A2ML1: variants seen among roughly 807,000 people sequenced by gnomAD.
The protein encoded by A2ML1 is alpha-2-macroglobulin like 1.
Under a neutral mutation model 181.9 loss-of-function variants are expected in A2ML1, and 161 were observed. That is an observed-to-expected ratio of 0.89 (90% CI 0.78 to 1.01). The LOEUF is 1.01. Among genes scored for constraint, A2ML1 ranks in the 50% least tolerant of loss-of-function variants. A2ML1 has a pLI of 0.00. For missense variants in A2ML1, 1,670 were observed against 1,768.1 expected, an observed-to-expected ratio of 0.94 and a Z score of 1.00; for synonymous variants, 663 against 666.8, an observed-to-expected ratio of 0.99 and a Z score of 0.09.
At chr12:8,822,903 A>G (rs549466216) in intron 1 of A2ML1, among the ~76,000 whole-genome samples, 190 bp downstream of exon 1, 52 of 152,172 alleles carry the variant, frequency 3.4e-4, no homozygotes, top group Non-Finnish European at 6.5e-4. Context: ...AAGCTTTAAA[A>G]AAGATAAATA....
intron 35 of A2ML1, among the ~76,000 whole-genome samples, chr12:8,875,242 TA>T (rs942200179): frequency 6.6e-5 from 10 of 151,812 alleles, no homozygotes; most frequent in Non-Finnish European, 1.5e-4. Flanking sequence ...GATGCCTGGC[TA>T]ATTTTTGTAT....
chr12:8,866,075 T>C (rs1421619966), intron 29 of A2ML1, among the ~76,000 whole-genome samples: 1 of 152,012 alleles, frequency 6.6e-6, no homozygotes, highest in East Asian at 1.9e-4. Context: ...CCCAGCACTT[T>C]GGGAGGCCGA....
At chr12:8,835,418 T>C in intron 5 of A2ML1, 89 bp from the exon 6 acceptor site, 3 of 1,552,600 alleles carry the variant, frequency 1.9e-6, no homozygotes. Context: ...TGGGGTTTTT[T>C]ACCTGCCTTT....
intron 7 of A2ML1, among the ~76,000 whole-genome samples, chr12:8,884,266 CT>C (rs1159683961): frequency 2.5e-5 from 3 of 120,176 alleles, no homozygotes; most frequent in Non-Finnish European, 5.5e-5. Context: ...AACTATTTTC[CT>C]TTTTTTTAAC....
chr12:8,854,201 T>G lies in A2ML1; in HGVS notation c.2664T>G (p.Val888=). The stretch of plus-strand genomic sequence containing the variant: ...CATGTGGGGGCCAGAAGGGGTTTGT[T>G]CCCCAAAAGGGCCGAAGTGACACGC... ...NEPCGGQKGF[V]PQKGRSDTLI... Residue 888 remains valine, a synonymous_variant, in exon 21 of 36, where the codon GTT becomes GTG. Transcript: ENST00000299698. The G allele has an allele frequency of 6.2e-7, 1 of 1,609,834 alleles. No homozygotes were observed. Among genetic ancestry groups the G allele is most frequent in the African/African-American group, 1.3e-5 (1 of 74,958 alleles).
intron 3 of A2ML1, among the ~76,000 whole-genome samples, chr12:8,825,966 G>A (rs1356130292): frequency 6.6e-6 from 1 of 152,150 alleles, no homozygotes. Context: ...TTTTATGACA[G>A]TACCATGCTG....
intron 18 of A2ML1, 32 bp from the exon 19 acceptor site, chr12:8,851,752 T>G (rs765233521): frequency 6.2e-7 from 1 of 1,608,844 alleles, no homozygotes; most frequent in East Asian, 2.2e-5. Context: ...CCACGCTACC[T>G]CTGCCTCATG....
rs71891886 is a variant in A2ML1 at position 8,856,898 on chromosome 12, C to CTTTTTTTTTT, written c.2849-256_2849-247dup. 2.0e-4 allele frequency among the ~76,000 whole-genome samples: 25 copies of CTTTTTTTTTT among 124,968 alleles called. 1 individual carries two copies. The highest frequency in any genetic ancestry group is 2.5e-4 in the East Asian group (1 of 4,022). The allele number at this position is 124,968 out of a possible 152,430, so 82.0% of individuals were successfully genotyped here. On this transcript the variant is annotated intron_variant, in intron 23 of 35. Transcript: ENST00000299698. Reference sequence around the variant, plus strand: ...GTCTTCCCAGGACACACAGTAGGTACTTTTTTTTTTTTTTTTTTTGTATTT... The same window carrying CTTTTTTTTTT: ...GTCTTCCCAGGACACACAGTAGGTACTTTTTTTTTTTTTTTTTTTTTTTTTTTTTGTATTT...
At chr12:8,860,099 G>T (rs759313187) in intron 26 of A2ML1, among the ~76,000 whole-genome samples, 1 of 152,058 alleles carries the variant, frequency 6.6e-6, no homozygotes, top group Non-Finnish European at 1.5e-5. Context: ...GAAGTGCAGT[G>T]GCACGATCAT....
Position 8,868,263 on chromosome 12 carries a change from A to C in A2ML1, c.3967A>C (p.Asn1323His), listed in dbSNP as rs200176373. The C allele has an allele frequency of 7.1e-5, 115 of 1,613,782 alleles. No homozygotes were observed. The African/African-American group carries it at 1.2e-3, about 16-fold the overall frequency. The change falls in exon 31 of 36, where the codon AAT becomes CAT. Residue 1323 changes from asparagine (N) to histidine (H), a missense_variant. Physicochemically the swap from Asn to His is moderately conservative, Grantham distance 68. Coordinates refer to ENST00000299698, the MANE Select transcript of A2ML1 (RefSeq NM_144670.6). The part of the protein sequence containing the change: ...VLRYNILPPT[N>H]MKTFSLSVEI... ...GAGATACAATATTCTCCCTCCCACA[A>C]ATATGAAGACCTTTAGTCTTAGTGT...
chr12:8,825,499 C>A (rs1942901383), intron 3 of A2ML1, among the ~76,000 whole-genome samples: 1 of 152,110 alleles, frequency 6.6e-6, no homozygotes, highest in South Asian at 2.1e-4. Context: ...GGTTATTAAT[C>A]CCTTGTCAGA....
chr12:8,860,636 G>A (rs150950483), intron 26 of A2ML1, among the ~76,000 whole-genome samples: 1 of 152,256 alleles, frequency 6.6e-6, no homozygotes, highest in African/African-American at 2.4e-5. Context: ...CCACTCAGCT[G>A]AAGTCCACAT....
chr12:8,846,310 G>A (rs1943685198), intron 14 of A2ML1, 88 bp downstream of exon 14: 2 of 1,494,478 alleles, frequency 1.3e-6, no homozygotes, highest in African/African-American at 1.4e-5. Flanking sequence ...AGACAAGTCA[G>A]GGAAAGAAGA....
At chr12:8,877,677 GA>G (rs1944826545), downstream of A2ML1, among the ~76,000 whole-genome samples, 1 of 152,088 alleles carries the variant, frequency 6.6e-6, no homozygotes, top group Non-Finnish European at 1.5e-5. Flanking sequence ...ATTAAAGTCA[GA>G]AAATAAGAGA....
chr12:8,829,792 G>A lies in A2ML1; in HGVS notation c.462+13G>A, dbSNP rs1183604298. 3.1e-6 allele frequency: 5 copies of A among 1,613,930 alleles called. No individual in the cohort carries two copies. Among genetic ancestry groups the A allele is most frequent in the African/African-American group, 2.7e-5 (2 of 74,904 alleles). ...AGTGAATGACAAGGTGAGTTGGGAG[G>A]AGGAGAAGGAGTGGCGCAGGGAGAA... On this transcript the variant is annotated intron_variant, in intron 4 of 35. Transcript: ENST00000299698.
In A2ML1 at chr12:8,822,691, C is replaced by T. The variant is rs748510519; in HGVS notation, c.40C>T (p.Pro14Ser). Residue 14 changes from proline to serine, a missense_variant, in exon 1 of 36, where the codon CCA (proline) becomes TCA (serine). By Grantham distance (74) the Pro-to-Ser change is moderately conservative. Transcript: ENST00000299698. ...QLLLGMLALS[P>S]AIAEELPNYL... ...CCTTCTAGGAATGTTGGCCCTATCACCAGCCATTGCAGAAGAACTTCCGTG... is the reference window on the plus strand; with the variant it reads ...CCTTCTAGGAATGTTGGCCCTATCATCAGCCATTGCAGAAGAACTTCCGTG... The T allele has an allele frequency of 1.2e-6, 2 of 1,614,142 alleles. No homozygotes were observed. Among genetic ancestry groups the T allele is most frequent in the Non-Finnish European group, 1.7e-6 (2 of 1,179,976 alleles).
intron 35 of A2ML1, among the ~76,000 whole-genome samples, 168 bp downstream of exon 35, chr12:8,875,180 C>A (rs772199143): frequency 1.3e-5 from 2 of 152,010 alleles, no homozygotes; most frequent in South Asian, 2.1e-4. Context: ...CAGCTTCAAG[C>A]GATTCTCCTG....
chr12:8,873,588 A>G (rs999999889), intron 33 of A2ML1, among the ~76,000 whole-genome samples: 1 of 150,792 alleles, frequency 6.6e-6, no homozygotes, highest in African/African-American at 2.5e-5. Context: ...TAAAAATTAC[A>G]TGTATATGTG....
At position 8,834,821 on chromosome 12, in the gene A2ML1, A is replaced by G. The variant is rs17729632; in HGVS notation, c.483+139A>G. Reference sequence around the variant, plus strand: ...ACTCTGCCCAGCACCGAGCGCCCACATCCACCTAAGCTGTGCCTGCTTTCT... The same window carrying G: ...ACTCTGCCCAGCACCGAGCGCCCACGTCCACCTAAGCTGTGCCTGCTTTCT... On this transcript the variant is annotated intron_variant, in intron 5 of 35. Transcript: ENST00000299698. The G allele has an allele frequency of 0.14, 131,716 of 969,400 alleles. 10,552 individuals are homozygous for G. Among genetic ancestry groups the G allele is most frequent in the Non-Finnish European group, 0.16 (104,581 of 642,906 alleles). The allele number at this position is 969,400 out of a possible 1,614,324, so 60.0% of individuals were successfully genotyped here.
Sources: gnomAD v4.1 joint callset for allele counts (sites outside exome capture counted in the v4.1 genomes callset) on GRCh38, gnomAD v4.1.1 for gene constraint, MANE v1.5 for transcripts, NCBI Gene and HGNC (gene_info 2026-07-23, HGNC 2026-07-21) for gene names.